Variants in CPM observed in about 807,000 individuals in gnomAD.
The protein encoded by CPM is renal carboxypeptidase.
CPM carries 35 observed loss-of-function variants against 46.4 expected under a neutral mutation model. The ratio of observed to expected loss-of-function variants is 0.75; its 90% CI spans 0.58 to 1.00. CPM has a LOEUF of 1.00. Among genes scored for constraint, CPM ranks in the 50% least tolerant of loss-of-function variants. The pLI is 0.00. For missense variants in CPM, 422 were observed against 530.4 expected (o/e 0.80, Z 2.01); for synonymous variants, 195 against 195.3 (o/e 1.00, Z 0.01).
intron 1 of CPM, among the ~76,000 whole-genome samples, chr12:68,948,206 A>G (rs1012355948): frequency 2.6e-4 from 39 of 152,198 alleles, no homozygotes; most frequent in Middle Eastern, 3.2e-3. Context: ...TTATCTGACT[A>G]TAATAGCTAG....
chr12:68,885,836 C>T lies in CPM; in HGVS notation c.214G>A (p.Gly72Arg), dbSNP rs946111671. 4 of 1,614,032 alleles carry T rather than the reference C, an allele frequency of 2.5e-6. No individual in the cohort carries two copies. The highest frequency in any genetic ancestry group is 2.7e-5 in the African/African-American group (2 of 74,930). Residue 72 changes from glycine (G) to arginine (R), a missense_variant, in exon 3 of 9, where the codon GGG becomes AGG. Coordinates refer to ENST00000551568, the MANE Select transcript of CPM (RefSeq NM_198320.5). ...VGRFPKEHRI[G>R]IPEFKYVANM... ...GCCACGTATTTGAACTCTGGAATCC[C>T]AATTCTGTGTTCCTTTGGAAACCGC...
At chr12:68,870,676 G>C (rs1298875135) in intron 4 of CPM, among the ~76,000 whole-genome samples, 3 of 152,182 alleles carry the variant, frequency 2.0e-5, no homozygotes, top group Non-Finnish European at 4.4e-5. Context: ...GCTCTTAGAT[G>C]CTCCCTTTTG....
At chr12:68,961,443 G>C (rs1296272632) in intron 1 of CPM, among the ~76,000 whole-genome samples, 1 of 152,162 alleles carries the variant, frequency 6.6e-6, no homozygotes, top group South Asian at 2.1e-4. Context: ...ACAGTGCCCA[G>C]CCTAAATTTT....
At chr12:68,882,817 TG>T in intron 3 of CPM, among the ~76,000 whole-genome samples, 1 of 152,340 alleles carries the variant, frequency 6.6e-6, no homozygotes, top group Middle Eastern at 3.4e-3. Flanking sequence ...TCATTAGTGT[TG>T]TTAGACACTT....
At chr12:68,869,592 C>CAT in intron 5 of CPM, 97 bp from the exon 6 acceptor site, 2 of 1,082,908 alleles carry the variant, frequency 1.8e-6, no homozygotes, top group East Asian at 5.0e-5. Flanking sequence ...ATCACACACA[C>CAT]ATGCTCTAAT....
At chr12:68,862,235 T>C (rs1885247967) in intron 7 of CPM, among the ~76,000 whole-genome samples, 2 of 139,210 alleles carry the variant, frequency 1.4e-5, no homozygotes, top group Non-Finnish European at 1.6e-5. Context: ...AACCCAAAGA[T>C]TCACTTTCTT....
chr12:68,909,775 A>G (rs1156918757), intron 2 of CPM, among the ~76,000 whole-genome samples: 2 of 143,010 alleles, frequency 1.4e-5, no homozygotes, highest in Non-Finnish European at 3.0e-5. Context: ...CATAAGTAGG[A>G]GTTGAACAAC....
chr12:68,854,020 A>T lies in CPM; in HGVS notation c.*2417T>A, dbSNP rs979932275. On this transcript the variant is annotated 3_prime_UTR_variant, in exon 9 of 9. Coordinates refer to ENST00000551568, the MANE Select transcript of CPM (RefSeq NM_198320.5). ...CTTCAAATTGAGTCCTAATGGTAAA[A>T]TTTTTTTCTGATAAAAAAAGGTACT... 2 of 152,032 alleles carry T rather than the reference A, an allele frequency of 1.3e-5. No individual in the cohort carries two copies. The highest frequency in any genetic ancestry group is 6.6e-5 in the Admixed American group (1 of 15,262). The allele number at this position is 152,032 out of a possible 1,614,324, so 9.4% of individuals were successfully genotyped here. A position where few individuals can be genotyped will look rare whatever the true frequency, so the allele number is the denominator to read the frequency against.
chr12:68,871,953 C>G lies in CPM; in HGVS notation c.262G>C (p.Val88Leu). 1.2e-6 allele frequency: 2 copies of G among 1,614,026 alleles called. No individual in the cohort carries two copies. The highest frequency in any genetic ancestry group is 2.7e-5 in the African/African-American group (2 of 74,980). ...YVANMHGDET[V>L]GRELLLHLID... ...AGATGGAGCAGCAGCTCCCGCCCAACAGTCTATATGTGTTAAAGAGAAAAG... is the reference window on the plus strand; with the variant it reads ...AGATGGAGCAGCAGCTCCCGCCCAAGAGTCTATATGTGTTAAAGAGAAAAG... Residue 88 changes from valine (V) to leucine (L), a missense_variant, in exon 4 of 9, where the codon GTT becomes CTT. Transcript: ENST00000551568.
intron 2 of CPM, among the ~76,000 whole-genome samples, chr12:68,928,329 T>C (rs1034519593): frequency 1.3e-5 from 2 of 152,232 alleles, no homozygotes; most frequent in Non-Finnish European, 2.9e-5. Context: ...TGTAGAAAGC[T>C]GAAACTGGAT....
intron 7 of CPM, among the ~76,000 whole-genome samples, chr12:68,866,541 G>A (rs1379065017): frequency 3.9e-5 from 6 of 152,014 alleles, no homozygotes; most frequent in African/African-American, 7.2e-5. Flanking sequence ...ATGAGGTTTC[G>A]CCTTGTTGGC....
intron 2 of CPM, among the ~76,000 whole-genome samples, chr12:68,891,254 A>C (rs1254495258): frequency 6.6e-6 from 1 of 152,272 alleles, no homozygotes; most frequent in African/African-American, 2.4e-5. Flanking sequence ...ACATTGAATA[A>C]TGAGTGAATC....
chr12:68,955,322 G>C (rs547318282), intron 1 of CPM, among the ~76,000 whole-genome samples: 1 of 152,176 alleles, frequency 6.6e-6, no homozygotes, highest in East Asian at 1.9e-4. Flanking sequence ...GTAAAACAAA[G>C]TACTCAGCAT....
At chr12:68,843,587 G>A (rs1378375024) in intron 5 of CPM, 1 of 226,688 alleles carries the variant, frequency 4.4e-6, no homozygotes, top group Non-Finnish European at 8.7e-6. Flanking sequence ...TCCCATATGT[G>A]AATTGTATAT....
upstream of CPM, among the ~76,000 whole-genome samples, chr12:68,934,313 C>G (rs931945891): frequency 6.6e-6 from 1 of 152,090 alleles, no homozygotes; most frequent in Non-Finnish European, 1.5e-5. Context: ...CTCGTGGAGG[C>G]CCAAGAAAGT....
intron 7 of CPM, among the ~76,000 whole-genome samples, chr12:68,865,558 G>A (rs77662921): frequency 0.19 from 28,227 of 151,908 alleles, 2,993 homozygotes; most frequent in African/African-American, 0.28. Flanking sequence ...AGAAAATTCC[G>A]GGAATTATGC....
chr12:68,860,882 T>A (rs546491706), intron 7 of CPM, among the ~76,000 whole-genome samples: 1 of 151,862 alleles, frequency 6.6e-6, no homozygotes, highest in South Asian at 2.1e-4. Flanking sequence ...TTTCCTTTCT[T>A]CTTCTTTTTT....
intron 5 of CPM, chr12:68,845,132 T>G (rs1884170511): frequency 8.9e-6 from 2 of 223,524 alleles, no homozygotes; most frequent in East Asian, 1.3e-4. Context: ...CCACAAGTTG[T>G]TAATGGCATT....
At chr12:68,939,334 A>C (rs1888725394) in intron 1 of CPM, among the ~76,000 whole-genome samples, 1 of 147,906 alleles carries the variant, frequency 6.8e-6, no homozygotes, top group Non-Finnish European at 1.5e-5. Context: ...TATTGTATTT[A>C]TATTATGTAT....
Sources: allele counts gnomAD v4.1 joint callset (sites outside exome capture counted in the v4.1 genomes callset), GRCh38; gene constraint gnomAD v4.1.1; transcripts MANE v1.5; gene names NCBI Gene and HGNC (gene_info 2026-07-23, HGNC 2026-07-21).